KSR2: variants seen among roughly 807,000 people sequenced by gnomAD.
KSR2 encodes kinase suppressor of ras 2.
Under a neutral mutation model 107.8 loss-of-function variants are expected in KSR2, and 25 were observed. That is an observed-to-expected ratio of 0.23 (90% confidence interval 0.17 to 0.32). The LOEUF (loss-of-function observed/expected upper bound fraction) is 0.32. Ranked by LOEUF, KSR2 falls within the 10% of genes least tolerant of loss-of-function variation. The probability of loss-of-function intolerance (pLI) is 1.00; values close to 1 mark genes in which losing one functional copy is unlikely to be tolerated. For synonymous variants in KSR2, 480 were observed against 507.0 expected, an observed-to-expected ratio of 0.95 and a Z score of 0.71; for missense variants, 887 against 1,268.9, an observed-to-expected ratio of 0.70 and a Z score of 4.57.
intron 8 of KSR2, among the ~76,000 whole-genome samples, 162 bp downstream of exon 8, chr12:117,558,344 G>A (rs77820164): frequency 0.033 from 5,042 of 152,196 alleles, 263 homozygotes; most frequent in African/African-American, 0.12. Context: ...GGATAAAGGA[G>A]ACAGATGTCA....
chr12:117,517,274 C>A (rs919309243), intron 14 of KSR2, among the ~76,000 whole-genome samples: 2 of 152,232 alleles, frequency 1.3e-5, no homozygotes, highest in African/African-American at 4.8e-5. Context: ...CTGACCAATA[C>A]AAAGTGTGAA....
At chr12:117,550,692 A>T (rs1202601764) in intron 9 of KSR2, among the ~76,000 whole-genome samples, 1 of 152,232 alleles carries the variant, frequency 6.6e-6, no homozygotes, top group African/African-American at 2.4e-5. Flanking sequence ...AGGAGTAGGA[A>T]CTATATGGAG....
intron 14 of KSR2, among the ~76,000 whole-genome samples, chr12:117,518,749 G>A (rs981878914): frequency 2.0e-5 from 3 of 152,110 alleles, no homozygotes; most frequent in Admixed American, 6.5e-5. Flanking sequence ...CTCCTCAAAC[G>A]TACCAATCTC....
chr12:117,828,740 C>T (rs1891847970), intron 3 of KSR2, among the ~76,000 whole-genome samples: 1 of 152,204 alleles, frequency 6.6e-6, no homozygotes, highest in African/African-American at 2.4e-5. Context: ...ATCCAGTATC[C>T]ATACCACCTG....
chr12:117,610,081 C>T (rs570875360), intron 5 of KSR2, among the ~76,000 whole-genome samples: 1 of 152,028 alleles, frequency 6.6e-6, no homozygotes, highest in East Asian at 1.9e-4. Flanking sequence ...CTGCTTATAT[C>T]GTTTTCTTAT....
intron 14 of KSR2, among the ~76,000 whole-genome samples, chr12:117,503,438 G>A (rs752817811): frequency 6.6e-6 from 1 of 152,172 alleles, no homozygotes; most frequent in East Asian, 1.9e-4. Flanking sequence ...TTATTGGCCT[G>A]GTTGGGGTAT....
chr12:117,814,151 A>G (rs1891292410), intron 3 of KSR2, among the ~76,000 whole-genome samples: 1 of 152,160 alleles, frequency 6.6e-6, no homozygotes. Context: ...ATTTATTAAG[A>G]GATACATTAT....
At chr12:117,735,437 A>G (rs970796186) in intron 4 of KSR2, among the ~76,000 whole-genome samples, 1 of 152,196 alleles carries the variant, frequency 6.6e-6, no homozygotes, top group African/African-American at 2.4e-5. Flanking sequence ...AAGAAAGATA[A>G]AAAGAAACCA....
intron 1 of KSR2, among the ~76,000 whole-genome samples, chr12:117,929,075 T>A (rs1199737849): frequency 6.6e-6 from 1 of 152,228 alleles, no homozygotes; most frequent in Non-Finnish European, 1.5e-5. Context: ...CAAGTAGTTG[T>A]ATGACTTCAG....
intron 3 of KSR2, among the ~76,000 whole-genome samples, chr12:117,801,982 A>T (rs149436184): frequency 6.6e-6 from 1 of 152,192 alleles, no homozygotes; most frequent in East Asian, 1.9e-4. Context: ...CGTGGGATAC[A>T]TTTGCAAAAA....
At chr12:117,847,685 C>T (rs1384208812) in intron 3 of KSR2, among the ~76,000 whole-genome samples, 1 of 152,218 alleles carries the variant, frequency 6.6e-6, no homozygotes, top group African/African-American at 2.4e-5. Context: ...CATGGCCCAC[C>T]GTGGGGGCTG....
At chr12:117,502,010 C>CGGCCATTG (rs1362638160) in intron 14 of KSR2, among the ~76,000 whole-genome samples, 1 of 152,206 alleles carries the variant, frequency 6.6e-6, no homozygotes, top group Non-Finnish European at 1.5e-5. Flanking sequence ...GACTTCAAAA[C>CGGCCATTG]GGCCATTGGG....
Position 117,763,094 on chromosome 12 carries a change from T to C in KSR2, c.473-1570A>G, listed in dbSNP as rs533956438. Among the ~76,000 whole-genome samples the C allele has an allele frequency of 9.6e-3, 1,453 of 151,846 alleles. 29 individuals carry two copies. Among genetic ancestry groups the C allele is most frequent in the African/African-American group, 0.033 (1,347 of 41,380 alleles). On this transcript the variant is annotated intron_variant, in intron 3 of 19. Transcript: ENST00000339824. The stretch of plus-strand genomic sequence containing the variant: ...TGTGATGTTCCCCTTCCTGTGTCCA[T>C]GTGTTCTCATTGTTCAATTCCCACC...
chr12:117,654,263 T>C (rs565429562), intron 5 of KSR2, among the ~76,000 whole-genome samples: 5 of 152,280 alleles, frequency 3.3e-5, no homozygotes, highest in East Asian at 3.9e-4. Flanking sequence ...ATATACGGGA[T>C]TGGGCTTGAG....
intron 4 of KSR2, among the ~76,000 whole-genome samples, chr12:117,704,183 C>A (rs756924770): frequency 7.2e-5 from 11 of 151,998 alleles, no homozygotes; most frequent in South Asian, 4.2e-4. Flanking sequence ...CTGCAGGTGC[C>A]CCTGAAAAGT....
intron 3 of KSR2, among the ~76,000 whole-genome samples, chr12:117,797,819 C>CTAAT (rs991083812): frequency 6.6e-6 from 1 of 150,776 alleles, no homozygotes; most frequent in African/African-American, 2.4e-5. Flanking sequence ...TCATGCCTGG[C>CTAAT]TAATTGTTTT....
At chr12:117,884,924 C>T (rs112541331) in intron 1 of KSR2, among the ~76,000 whole-genome samples, 6 of 152,270 alleles carry the variant, frequency 3.9e-5, no homozygotes, top group East Asian at 1.9e-4. Context: ...TAGCACCTGC[C>T]GTGTAGGAAA....
chr12:117,829,322 T>C (rs1360255465), intron 3 of KSR2, among the ~76,000 whole-genome samples: 1 of 152,142 alleles, frequency 6.6e-6, no homozygotes, highest in East Asian at 1.9e-4. Context: ...CCAACTCAAA[T>C]ATCTCCTTCA....
At chr12:117,610,849 TATAG>T (rs1414011713) in intron 5 of KSR2, among the ~76,000 whole-genome samples, 2 of 150,936 alleles carry the variant, frequency 1.3e-5, no homozygotes, top group African/African-American at 4.9e-5. Context: ...CAGACAGACA[TATAG>T]ATAGATAAAG....
Sources: allele counts gnomAD v4.1 joint callset (sites outside exome capture counted in the v4.1 genomes callset), GRCh38; gene constraint gnomAD v4.1.1; transcripts MANE v1.5; gene names NCBI Gene and HGNC (gene_info 2026-07-23, HGNC 2026-07-21).